CCDC148: variants seen among roughly 807,000 people sequenced by gnomAD.
CCDC148 encodes the protein coiled-coil domain containing 148.
A neutral mutation model predicts 85.7 loss-of-function variants in CCDC148; 89 were observed. The ratio of observed to expected loss-of-function variants is 1.04; its 90% CI spans 0.87 to 1.24. The LOEUF is 1.24. CCDC148 is among the 50% of genes most tolerant of loss of function. CCDC148 has a pLI of 0.00. For missense variants in CCDC148, 692 were observed against 671.7 expected (o/e 1.03, Z -0.33); for synonymous variants, 230 against 213.9 (o/e 1.08, Z -0.66).
chr2:158,323,546 T>A (rs2105223093), intron 7 of CCDC148, among the ~76,000 whole-genome samples: 1 of 152,326 alleles, frequency 6.6e-6, no homozygotes, highest in African/African-American at 2.4e-5. Context: ...ATACTGGTAC[T>A]CAACCTGATT....
intron 1 of CCDC148, among the ~76,000 whole-genome samples, chr2:158,372,125 C>A (rs879016047): frequency 6.6e-6 from 1 of 151,966 alleles, no homozygotes; most frequent in South Asian, 2.1e-4. Context: ...TGCAGTGGAG[C>A]CTCTCATGCC....
At chr2:158,185,318 C>T (rs1685102743) in intron 11 of CCDC148, among the ~76,000 whole-genome samples, 1 of 152,096 alleles carries the variant, frequency 6.6e-6, no homozygotes, top group South Asian at 2.1e-4. Context: ...CTGGTGTATC[C>T]TGATGACAGC....
intron 1 of CCDC148, among the ~76,000 whole-genome samples, chr2:158,375,714 G>C (rs1684622455): frequency 1.3e-5 from 2 of 152,098 alleles, no homozygotes; most frequent in South Asian, 4.1e-4. Flanking sequence ...CATGACTAGA[G>C]AGAGGTCTGC....
chr2:158,343,000 T>C (rs769228918), intron 3 of CCDC148, among the ~76,000 whole-genome samples: 1 of 152,224 alleles, frequency 6.6e-6, no homozygotes, highest in African/African-American at 2.4e-5. Flanking sequence ...GTTTGGCATA[T>C]GTTTTCATTT....
At chr2:158,305,310 G>C (rs138790134) in intron 9 of CCDC148, among the ~76,000 whole-genome samples, 72 of 152,318 alleles carry the variant, frequency 4.7e-4, no homozygotes, top group Non-Finnish European at 7.5e-4. Context: ...GGGGAAAAGA[G>C]CAGGATTGTT....
chr2:158,204,240 T>C (rs1460814334), intron 11 of CCDC148, among the ~76,000 whole-genome samples: 1 of 152,194 alleles, frequency 6.6e-6, no homozygotes, highest in African/African-American at 2.4e-5. Context: ...AAATGAGCGT[T>C]AAGACTGTAC....
At chr2:158,269,789 C>T (rs1220982458) in intron 9 of CCDC148, among the ~76,000 whole-genome samples, 1 of 152,160 alleles carries the variant, frequency 6.6e-6, no homozygotes, top group Non-Finnish European at 1.5e-5. Context: ...CTCTACTTTT[C>T]TTCCTTGATG....
chr2:158,358,880 A>G (rs1178980643), intron 1 of CCDC148, among the ~76,000 whole-genome samples: 3 of 152,120 alleles, frequency 2.0e-5, no homozygotes, highest in African/African-American at 7.2e-5. Context: ...AAGTATGACG[A>G]CTGTTAACCC....
At chr2:158,402,343 A>G (rs1210386007) in intron 1 of CCDC148, among the ~76,000 whole-genome samples, 1 of 151,742 alleles carries the variant, frequency 6.6e-6, no homozygotes, top group Non-Finnish European at 1.5e-5. Flanking sequence ...TTTTTTCTTT[A>G]TAATTTTCCT....
At chr2:158,446,823 T>G (rs1688176447) in intron 1 of CCDC148, among the ~76,000 whole-genome samples, 1 of 152,172 alleles carries the variant, frequency 6.6e-6, no homozygotes, top group South Asian at 2.1e-4. Flanking sequence ...TATCTCCATA[T>G]TTTTTCCCTT....
Position 158,178,891 on chromosome 2 carries a change from G to C in CCDC148, c.1476C>G (p.Ala492=), listed in dbSNP as rs752694338. ...EDKERARRLE[A]LRKQVAVVAQ... is the part of the protein sequence containing the mutation. ...AAATGAAAAACACCTGTTTCCTAAG[G>C]GCTTCTAGCCGCCGTGCTCTCTCTT... The change falls in exon 12 of 14, where the codon GCC becomes GCG. Residue 492 remains alanine (A), a synonymous_variant. Transcript: ENST00000283233. 6.2e-7 allele frequency: 1 copy of C among 1,612,328 alleles called. No individual in the cohort carries two copies. Among genetic ancestry groups the C allele is most frequent in the Non-Finnish European group, 8.5e-7 (1 of 1,179,082 alleles).
chr2:158,455,768 G>A (rs1477191992), intron 1 of CCDC148, among the ~76,000 whole-genome samples: 1 of 152,086 alleles, frequency 6.6e-6, no homozygotes, highest in Non-Finnish European at 1.5e-5. Context: ...ACTTTAAGAA[G>A]GTGATATCTA....
intron 8 of CCDC148, among the ~76,000 whole-genome samples, chr2:158,311,540 G>A (rs1397340210): frequency 1.3e-5 from 2 of 152,168 alleles, no homozygotes; most frequent in Non-Finnish European, 2.9e-5. Flanking sequence ...GCAGAGGGAG[G>A]AGAGGGAGAG....
intron 10 of CCDC148, among the ~76,000 whole-genome samples, chr2:158,231,201 A>G (rs940203112): frequency 6.6e-6 from 1 of 152,170 alleles, no homozygotes; most frequent in East Asian, 1.9e-4. Context: ...TGTGAACAGG[A>G]AAGAGAATGT....
At chr2:158,294,023 TC>T (rs1691042591) in intron 9 of CCDC148, among the ~76,000 whole-genome samples, 7 of 28,734 alleles carry the variant, frequency 2.4e-4, no homozygotes, top group Admixed American at 4.7e-4. Flanking sequence ...CTTCCTTCCT[TC>T]CTTCCTTCCT....
At chr2:158,428,522 C>T (rs1027399118) in intron 1 of CCDC148, among the ~76,000 whole-genome samples, 2 of 151,718 alleles carry the variant, frequency 1.3e-5, no homozygotes, top group Non-Finnish European at 2.9e-5. Context: ...TCAAAGCAGG[C>T]AGGAGGGTTT....
chr2:158,311,353 C>T (rs1692003592), intron 8 of CCDC148, among the ~76,000 whole-genome samples: 1 of 152,238 alleles, frequency 6.6e-6, no homozygotes. Context: ...AGCCTGCAAT[C>T]CCATGCACTC....
intron 9 of CCDC148, among the ~76,000 whole-genome samples, chr2:158,294,994 T>C (rs888601662): frequency 7.2e-5 from 11 of 152,166 alleles, no homozygotes; most frequent in Non-Finnish European, 1.6e-4. Flanking sequence ...GGTTTTAACC[T>C]GTATTTTTCT....
At chr2:158,278,944 G>A (rs964049810) in intron 9 of CCDC148, among the ~76,000 whole-genome samples, 1 of 152,204 alleles carries the variant, frequency 6.6e-6, no homozygotes, top group African/African-American at 2.4e-5. Context: ...CCAGAGGAAC[G>A]ATCACACAGC....
Sources: allele counts gnomAD v4.1 joint callset (sites outside exome capture counted in the v4.1 genomes callset), GRCh38; gene constraint gnomAD v4.1.1; transcripts MANE v1.5; gene names NCBI Gene and HGNC (gene_info 2026-07-23, HGNC 2026-07-21).